Variants in CSMD1 observed in about 807,000 individuals in gnomAD.
CSMD1 encodes CUB and sushi domain-containing protein 1.
In CSMD1, 213 loss-of-function variants were observed where a neutral mutation model predicts 417.5. The ratio of observed to expected loss-of-function variants is 0.51; its 90% CI spans 0.46 to 0.57. The LOEUF (loss-of-function observed/expected upper bound fraction) is 0.57. CSMD1 is among the 20% of genes least tolerant of loss of function. CSMD1 has a pLI of 0.00. For missense variants in CSMD1, 6,923 were observed against 4,529.7 expected, an observed-to-expected ratio of 1.53 and a Z score of -15.17; for synonymous variants, 2,862 against 1,736.8, an observed-to-expected ratio of 1.65 and a Z score of -16.11.
At chr8:4,514,380 G>C (rs543519589) in intron 2 of CSMD1, among the ~76,000 whole-genome samples, 4 of 152,082 alleles carry the variant, frequency 2.6e-5, no homozygotes, top group Admixed American at 6.5e-5. Context: ...CTGAATTTTA[G>C]GGGGACACAG....
intron 4 of CSMD1, among the ~76,000 whole-genome samples, chr8:4,007,566 T>A (rs1406034823): frequency 6.6e-6 from 1 of 152,118 alleles, no homozygotes; most frequent in Non-Finnish European, 1.5e-5. Context: ...TATGCTTACC[T>A]CTCGGTGCGT....
intron 5 of CSMD1, among the ~76,000 whole-genome samples, chr8:3,766,220 C>A (rs1417549318): frequency 6.6e-6 from 1 of 152,182 alleles, no homozygotes; most frequent in Non-Finnish European, 1.5e-5. Context: ...GGTGCGCTTT[C>A]TTCTGCCGGA....
rs531503810 is a variant in CSMD1 at position 4,671,506 on chromosome 8, C to T, written c.86-33948G>A. Among the ~76,000 whole-genome samples the T allele has an allele frequency of 5.9e-5, 9 of 152,252 alleles. No homozygotes were observed. In the South Asian group the frequency reaches 1.2e-3, roughly 21 times the overall value. The stretch of plus-strand genomic sequence containing the variant: ...TGTTCTGGAATAATAGCAGTGATGT[C>T]GGCAAAGTGTGACTGGCCAGCTTCC... On this transcript the variant is annotated intron_variant, in intron 1 of 69. Coordinates refer to ENST00000635120, the MANE Select transcript of CSMD1 (RefSeq NM_033225.6).
intron 5 of CSMD1, among the ~76,000 whole-genome samples, chr8:3,896,035 A>C (rs983486747): frequency 2.0e-5 from 3 of 152,238 alleles, no homozygotes; most frequent in Non-Finnish European, 4.4e-5. Flanking sequence ...AGAAAGGAAG[A>C]AATGACTGCG....
intron 69 of CSMD1, 48 bp downstream of exon 69, chr8:2,942,424 A>G (rs765551657): frequency 1.3e-6 from 2 of 1,549,678 alleles, no homozygotes; most frequent in Admixed American, 3.5e-5. Context: ...CTTTAAACCC[A>G]TAGTTTACAC....
intron 12 of CSMD1, among the ~76,000 whole-genome samples, chr8:3,454,460 C>G (rs1045919046): frequency 1.2e-4 from 18 of 152,160 alleles, no homozygotes; most frequent in African/African-American, 4.1e-4. Context: ...CCGGTTGTTC[C>G]TTTCCATGTT....
At chr8:4,318,481 G>C (rs113691465) in intron 3 of CSMD1, among the ~76,000 whole-genome samples, 1 of 152,004 alleles carries the variant, frequency 6.6e-6, no homozygotes, top group African/African-American at 2.4e-5. Context: ...ATGAAACAAA[G>C]CTTGCATTCA....
At chr8:4,580,226 G>A (rs1225573492) in intron 2 of CSMD1, among the ~76,000 whole-genome samples, 1 of 152,104 alleles carries the variant, frequency 6.6e-6, no homozygotes, top group African/African-American at 2.4e-5. Flanking sequence ...CCTTCCCCTT[G>A]TGGGTACTGC....
chr8:3,493,567 C>T, intron 11 of CSMD1, 56 bp downstream of exon 11: 1 of 1,424,482 alleles, frequency 7.0e-7, no homozygotes, highest in Non-Finnish European at 9.7e-7. Flanking sequence ...TCATCTCCAC[C>T]CACCGTGCCC....
intron 6 of CSMD1, among the ~76,000 whole-genome samples, chr8:3,743,607 T>C (rs1336385374): frequency 6.6e-6 from 1 of 152,180 alleles, no homozygotes; most frequent in East Asian, 1.9e-4. Flanking sequence ...AGCTGGGAAC[T>C]AGGTCTCGAA....
intron 3 of CSMD1, among the ~76,000 whole-genome samples, chr8:4,169,497 G>T (rs1183568602): frequency 6.6e-6 from 1 of 151,952 alleles, no homozygotes; most frequent in Non-Finnish European, 1.5e-5. Flanking sequence ...CCTCTACTGC[G>T]GCCTTGTCTC....
At chr8:4,093,724 G>T (rs1265790726) in intron 3 of CSMD1, among the ~76,000 whole-genome samples, 1 of 152,126 alleles carries the variant, frequency 6.6e-6, no homozygotes, top group Non-Finnish European at 1.5e-5. Flanking sequence ...ACTTTGGGAG[G>T]CTGAGGTGGA....
chr8:4,406,207 C>A (rs1218308809), intron 3 of CSMD1, among the ~76,000 whole-genome samples: 1 of 152,166 alleles, frequency 6.6e-6, no homozygotes, highest in Non-Finnish European at 1.5e-5. Context: ...CCGCATTCTA[C>A]TGTAATGTGC....
chr8:3,738,393 T>C (rs1330025707), intron 6 of CSMD1, among the ~76,000 whole-genome samples: 1 of 152,232 alleles, frequency 6.6e-6, no homozygotes, highest in East Asian at 1.9e-4. Context: ...ATTCTTCTCA[T>C]AAAATATGCA....
At position 2,955,622 on chromosome 8, in the gene CSMD1, T is replaced by C. The variant is rs1377825810; in HGVS notation, c.9961A>G (p.Met3321Val). ...GSEHRTCKAD[M>V]KWTGKSPVCK... ...ACAGGCGACTTTCCTGTCCATTTCA[T>C]GTCTGCTTTACATGTTCTGTGCTCA... Residue 3321 changes from methionine to valine, a missense_variant, in exon 64 of 70, where the codon ATG becomes GTG. Physicochemically the swap from Met to Val is conservative, Grantham distance 21 (BLOSUM62 1). Transcript: ENST00000635120. 6.2e-7 allele frequency: 1 copy of C among 1,613,788 alleles called. No homozygotes were observed. The highest frequency in any genetic ancestry group is 2.2e-5 in the East Asian group (1 of 44,880).
At chr8:3,244,592 T>A (rs751774210) in intron 26 of CSMD1, among the ~76,000 whole-genome samples, 1 of 152,156 alleles carries the variant, frequency 6.6e-6, no homozygotes, top group South Asian at 2.1e-4. Context: ...GGGGAAATCA[T>A]AGACACACGT....
intron 3 of CSMD1, among the ~76,000 whole-genome samples, chr8:4,396,768 T>G (rs1017294917): frequency 6.6e-6 from 1 of 152,086 alleles, no homozygotes; most frequent in East Asian, 1.9e-4. Context: ...CTAAGTGAAG[T>G]ACCTCAGGAA....
intron 2 of CSMD1, among the ~76,000 whole-genome samples, chr8:4,462,057 T>C (rs558404023): frequency 2.0e-5 from 3 of 152,048 alleles, no homozygotes; most frequent in East Asian, 1.9e-4. Flanking sequence ...TTATTTTTTA[T>C]AGGGATGAAG....
intron 49 of CSMD1, among the ~76,000 whole-genome samples, chr8:3,077,057 T>G (rs920054060): frequency 1.3e-5 from 2 of 152,108 alleles, no homozygotes; most frequent in South Asian, 4.1e-4. Flanking sequence ...TATCCATGTG[T>G]GCCCAGGTAT....
Sources: gnomAD v4.1 joint callset for allele counts (sites outside exome capture counted in the v4.1 genomes callset) on GRCh38, gnomAD v4.1.1 for gene constraint, MANE v1.5 for transcripts, NCBI Gene and HGNC (gene_info 2026-07-23, HGNC 2026-07-21) for gene names.